Variants in RAB11FIP4 observed in about 807,000 individuals in gnomAD.
RAB11FIP4 encodes rab11 family-interacting protein 4.
RAB11FIP4 carries 23 observed loss-of-function variants against 74.3 expected under a neutral mutation model. That is an observed-to-expected ratio of 0.31 (90% CI 0.22 to 0.44). The LOEUF (loss-of-function observed/expected upper bound fraction) is 0.44, where lower values mean the gene tolerates loss of function less well. RAB11FIP4 is among the 20% of genes least tolerant of loss of function. The pLI is 1.00. For missense variants in RAB11FIP4, 630 were observed against 863.9 expected (o/e 0.73, Z 3.39); for synonymous variants, 360 against 359.9 (o/e 1.00, Z 0.00).
intron 1 of RAB11FIP4, among the ~76,000 whole-genome samples, chr17:31,418,463 A>ATTTTT (rs71142049): frequency 0.029 from 3,868 of 134,178 alleles, 190 homozygotes; most frequent in African/African-American, 0.074. Flanking sequence ...AGTTCCCTTG[A>ATTTTT]TTTTTTTTTT....
At position 31,394,939 on chromosome 17, in the gene RAB11FIP4, G is replaced by GGA. The variant is rs1491134514; in HGVS notation, c.159+2929_159+2930insAG. On this transcript the variant is annotated intron_variant, in intron 1 of 14. Coordinates refer to ENST00000621161, the MANE Select transcript of RAB11FIP4 (RefSeq NM_032932.6). The stretch of plus-strand genomic sequence containing the variant: ...TTCCAGCGGTGGGGTGGCGGGGGGC[G>GGA]GGGGGGGGGGGCTCCCTTACGAAAT... Among the ~76,000 whole-genome samples, 36 of 23,808 alleles carry GGA rather than the reference G, an allele frequency of 1.5e-3. 1 individual carries two copies. The highest frequency in any genetic ancestry group is 3.7e-3 in the African/African-American group (33 of 8,912). 15.6% of individuals were successfully genotyped at this position (23,808 alleles called of 152,430 possible). A position where few individuals can be genotyped will look rare whatever the true frequency, so the allele number is the denominator to read the frequency against.
At chr17:31,530,203 G>A (rs970132609) in intron 13 of RAB11FIP4, 123 bp from the exon 14 acceptor site, 61 of 1,301,956 alleles carry the variant, frequency 4.7e-5, no homozygotes, top group Admixed American at 9.5e-5. Flanking sequence ...TGAACCAGCC[G>A]TGACACACAC....
intron 3 of RAB11FIP4, among the ~76,000 whole-genome samples, chr17:31,500,763 G>T (rs367609661): frequency 7.9e-5 from 12 of 152,206 alleles, no homozygotes; most frequent in South Asian, 6.2e-4. Flanking sequence ...GGTGGCTCAT[G>T]CCTGTAATCC....
chr17:31,398,698 C>G (rs2070955241), intron 1 of RAB11FIP4, among the ~76,000 whole-genome samples: 1 of 152,228 alleles, frequency 6.6e-6, no homozygotes, highest in Admixed American at 6.5e-5. Context: ...GCGTGGCTTT[C>G]AGACCTGGCC....
At chr17:31,497,782 C>A (rs2072145028) in intron 3 of RAB11FIP4, among the ~76,000 whole-genome samples, 1 of 152,150 alleles carries the variant, frequency 6.6e-6, no homozygotes, top group Non-Finnish European at 1.5e-5. Context: ...GTGTGCGCTG[C>A]TGGCTAGAGG....
intron 3 of RAB11FIP4, among the ~76,000 whole-genome samples, chr17:31,499,603 T>C (rs1459845158): frequency 6.6e-6 from 1 of 151,962 alleles, no homozygotes; most frequent in Non-Finnish European, 1.5e-5. Flanking sequence ...GATCCGCCCG[T>C]CTCGGCCTCC....
At chr17:31,453,836 A>C (rs1426052840) in intron 3 of RAB11FIP4, among the ~76,000 whole-genome samples, 1 of 151,778 alleles carries the variant, frequency 6.6e-6, no homozygotes, top group Non-Finnish European at 1.5e-5. Flanking sequence ...AAGAAAGTGC[A>C]TGGAAGGCTC....
intron 3 of RAB11FIP4, among the ~76,000 whole-genome samples, chr17:31,462,578 G>A (rs1008805571): frequency 1.3e-5 from 2 of 151,934 alleles, no homozygotes; most frequent in Admixed American, 6.6e-5. Context: ...CACCAGCCTC[G>A]GTCCGGACTC....
intron 4 of RAB11FIP4, among the ~76,000 whole-genome samples, chr17:31,520,250 C>G (rs538733934): frequency 2.3e-4 from 35 of 152,254 alleles, no homozygotes; most frequent in African/African-American, 7.2e-4. Context: ...TATGCCATTT[C>G]ATATCTGGGA....
At chr17:31,523,469 T>G (rs1241564273) in intron 7 of RAB11FIP4, 43 bp from the exon 8 acceptor site, 1 of 1,516,978 alleles carries the variant, frequency 6.6e-7, no homozygotes, top group East Asian at 2.2e-5. Flanking sequence ...CCCCTGTCTC[T>G]GGAAGGCCCC....
Position 31,420,874 on chromosome 17 carries a change from G to A in RAB11FIP4, c.160-10939G>A, listed in dbSNP as rs553903200. 1.2e-4 allele frequency among the ~76,000 whole-genome samples: 18 copies of A among 152,074 alleles called. No homozygotes were observed. In the South Asian group the frequency reaches 3.1e-3, roughly 26 times the overall value. ...CGAAGGGGGTGGATCACCTGAGGTC[G>A]AGAGTTCAAGCCCAGCCTGACCCAT... On this transcript the variant is annotated intron_variant, in intron 1 of 14. Transcript: ENST00000621161.
intron 3 of RAB11FIP4, among the ~76,000 whole-genome samples, chr17:31,516,546 C>T (rs1266845981): frequency 3.3e-5 from 5 of 152,196 alleles, no homozygotes; most frequent in Admixed American, 2.0e-4. Flanking sequence ...CTTGGCTCAC[C>T]GCAAGCTCCG....
chr17:31,529,617 G>A (rs924408614), intron 13 of RAB11FIP4, among the ~76,000 whole-genome samples: 9 of 152,180 alleles, frequency 5.9e-5, no homozygotes, highest in African/African-American at 1.9e-4. Flanking sequence ...CCTTTGGGTG[G>A]GGGAGTGGAT....
intron 3 of RAB11FIP4, among the ~76,000 whole-genome samples, chr17:31,434,803 AT>A (rs2071342689): frequency 6.6e-6 from 1 of 152,244 alleles, no homozygotes; most frequent in African/African-American, 2.4e-5. Flanking sequence ...GGGAGCAGGG[AT>A]GCAGAGCTTC....
In RAB11FIP4 at chr17:31,422,652, C is replaced by G. The variant is rs183605945; in HGVS notation, c.160-9161C>G. Among the ~76,000 whole-genome samples, 32 of 152,254 alleles carry G rather than the reference C, an allele frequency of 2.1e-4. No homozygotes were observed. In the East Asian group the frequency reaches 3.5e-3, roughly 17 times the overall value. ...TTAGGCAATTTCTGTTGTTCTATCA[C>G]TGTTTGTACTGTGATTTCCGTTCTG... On this transcript the variant is annotated intron_variant, in intron 1 of 14. Coordinates refer to ENST00000621161, the MANE Select transcript of RAB11FIP4 (RefSeq NM_032932.6).
At chr17:31,497,989 G>T (rs1317872984) in intron 3 of RAB11FIP4, among the ~76,000 whole-genome samples, 1 of 152,176 alleles carries the variant, frequency 6.6e-6, no homozygotes, top group Non-Finnish European at 1.5e-5. Flanking sequence ...CATGTGCTGA[G>T]GCATTGGGGT....
At chr17:31,458,931 G>A (rs1202512523) in intron 3 of RAB11FIP4, among the ~76,000 whole-genome samples, 1 of 152,202 alleles carries the variant, frequency 6.6e-6, no homozygotes, top group Non-Finnish European at 1.5e-5. Context: ...GCACAGTCAT[G>A]TGTGTGAATC....
intron 3 of RAB11FIP4, chr17:31,448,495 G>T (rs1213087274): frequency 6.7e-6 from 1 of 150,064 alleles, no homozygotes; most frequent in Non-Finnish European, 1.5e-5. Flanking sequence ...GCCTCCCAAG[G>T]CACTGGGATT....
chr17:31,488,219 C>T (rs1055254294), intron 3 of RAB11FIP4: 11 of 1,132,398 alleles, frequency 9.7e-6, no homozygotes, highest in African/African-American at 3.3e-5. Context: ...GGCTTCCGCG[C>T]CTCTGCCGGG....
Sources: gnomAD v4.1 joint callset for allele counts (sites outside exome capture counted in the v4.1 genomes callset) on GRCh38, gnomAD v4.1.1 for gene constraint, MANE v1.5 for transcripts, NCBI Gene and HGNC (gene_info 2026-07-23, HGNC 2026-07-21) for gene names.